The following TRIP10 variants were observed in gnomAD, a reference collection of about 807,000 sequenced individuals.
TRIP10 encodes the protein cdc42-interacting protein 4.
TRIP10 carries 54 observed loss-of-function variants against 80.9 expected under a neutral mutation model. The ratio of observed to expected loss-of-function variants is 0.67; its 90% confidence interval spans 0.54 to 0.84. TRIP10 has a LOEUF of 0.84. TRIP10 is among the 40% of genes least tolerant of loss of function. The pLI, the probability that TRIP10 is intolerant of heterozygous loss-of-function variation, is 0.00. For missense variants in TRIP10, 773 were observed against 815.3 expected, an observed-to-expected ratio of 0.95 and a Z score of 0.63; for synonymous variants, 321 against 307.2, an observed-to-expected ratio of 1.04 and a Z score of -0.47.
At chr19:6,743,959 C>G (rs1969014997) in intron 7 of TRIP10, 123 bp downstream of exon 7, 6 of 1,301,706 alleles carry the variant, frequency 4.6e-6, no homozygotes, top group Middle Eastern at 1.9e-4. Flanking sequence ...GAATCAGAAA[C>G]CTATAGTAAC....
rs899971933 is a variant in TRIP10 at position 6,745,870 on chromosome 19, GTTTT to G, written c.985-154_985-151del. On this transcript the variant is annotated intron_variant, in intron 9 of 14. Transcript: ENST00000313244. The surrounding 1 kb of genome is among the most constrained non-coding windows in gnomAD (Gnocchi z 7.2). The stretch of plus-strand genomic sequence containing the variant: ...CATCTTGAGTTGTGGTTTTCTTACC[GTTTT>G]TTTTCTTTCTCCATTTTGTTTTTCC... The G allele has an allele frequency of 1.0e-6, 1 of 984,698 alleles. No individual in the cohort carries two copies. Among genetic ancestry groups the G allele is most frequent in the Non-Finnish European group, 1.2e-6 (1 of 829,694 alleles). 61.0% of individuals were successfully genotyped at this position (984,698 alleles called of 1,614,324 possible).
In TRIP10 at chr19:6,739,874, G is replaced by A. The variant is rs1035060403; in HGVS notation, c.24+89G>A. ...CCCAATGTATCTTAGAGGGGGCTCC[G>A]CGCCTTTCCCTTCCACCGACCCCTG... On this transcript the variant is annotated intron_variant, in intron 1 of 14. Transcript: ENST00000313244. The A allele has an allele frequency of 1.2e-5, 16 of 1,320,846 alleles. No individual in the cohort carries two copies. In the African/African-American group the frequency reaches 2.3e-4, roughly 19 times the overall value. The allele number at this position is 1,320,846 out of a possible 1,614,324, so 81.8% of individuals were successfully genotyped here.
intron 14 of TRIP10, 152 bp downstream of exon 14, chr19:6,750,785 C>G (rs2145557040): frequency 7.9e-7 from 1 of 1,266,904 alleles, no homozygotes; most frequent in East Asian, 2.5e-5. Context: ...CACTTGAGGT[C>G]AAGAATTCCA....
rs1969066341 is a variant in TRIP10, at chr19:6,745,024, G to C, written c.984+30G>C. 6.2e-7 allele frequency: 1 copy of C among 1,604,982 alleles called. No individual in the cohort carries two copies. Among genetic ancestry groups the C allele is most frequent in the South Asian group, 1.1e-5 (1 of 90,004 alleles). ...GGGCCGGGACCCTTGGGATGGTGGG[G>C]GAGAAGGACAGTGAAGTGGGGACAG... On this transcript the variant is annotated intron_variant, in intron 9 of 14. Coordinates refer to ENST00000313244, the MANE Select transcript of TRIP10 (RefSeq NM_001288962.2). This position sits in a 1 kb window ranked among gnomAD's most constrained non-coding sequence, Gnocchi z 7.2.
Position 6,746,100 on chromosome 19 carries a change from C to A in TRIP10, c.1056C>A (p.Pro352=), listed in dbSNP as rs923896267. The change falls in exon 10 of 15, where the codon CCC becomes CCA. Residue 352 remains proline (P), a synonymous_variant. Coordinates refer to ENST00000313244, the MANE Select transcript of TRIP10 (RefSeq NM_001288962.2). This position sits in a 1 kb window ranked among gnomAD's most constrained non-coding sequence, Gnocchi z 6.2. ...CATTGCCTAACGGACCCCCGTCCCC[C>A]CGCTCCGGCCGTGACCCCTTGGCCA... ...PSALPNGPPS[P]RSGRDPLAIL... 2 of 1,545,234 alleles carry A rather than the reference C, an allele frequency of 1.3e-6. No homozygotes were observed. The highest frequency in any genetic ancestry group is 2.7e-5 in the African/African-American group (2 of 72,782).
chr19:6,741,160 C>G (rs1968906843), intron 2 of TRIP10, 35 bp downstream of exon 2: 3 of 1,613,752 alleles, frequency 1.9e-6, no homozygotes, highest in Non-Finnish European at 2.5e-6. Context: ...GGAGGACGCG[C>G]CTGGGGCGAC....
chr19:6,740,977 T>A, intron 1 of TRIP10, 33 bp from the exon 2 acceptor site: 20 of 1,502,366 alleles, frequency 1.3e-5, no homozygotes, highest in East Asian at 2.3e-5. Context: ...CCCCGGCCCC[T>A]CTCCCCTCCT....
chr19:6,749,714 G>A (rs1051470286), intron 11 of TRIP10, among the ~76,000 whole-genome samples: 1 of 152,090 alleles, frequency 6.6e-6, no homozygotes, highest in Non-Finnish European at 1.5e-5. Context: ...AGGCGAGTGT[G>A]GTGATGCGGG....
chr19:6,745,863 T>C lies in TRIP10; in HGVS notation c.985-166T>C, dbSNP rs944285979. ...GGTTGTGCATCTTGAGTTGTGGTTT[T>C]CTTACCGTTTTTTTTCTTTCTCCAT... On this transcript the variant is annotated intron_variant, in intron 9 of 14. Transcript: ENST00000313244. This position sits in a 1 kb window ranked among gnomAD's most constrained non-coding sequence, Gnocchi z 7.2. The C allele has an allele frequency of 1.0e-6, 1 of 985,282 alleles. No individual in the cohort carries two copies. Among genetic ancestry groups the C allele is most frequent in the Non-Finnish European group, 1.2e-6 (1 of 829,936 alleles). 61.0% of individuals were successfully genotyped at this position (985,282 alleles called of 1,614,324 possible).
At chr19:6,747,429 C>T (rs777065280) in intron 11 of TRIP10, among the ~76,000 whole-genome samples, 2 of 152,168 alleles carry the variant, frequency 1.3e-5, no homozygotes, top group African/African-American at 2.4e-5. Context: ...AATCCTGATT[C>T]CCAAATCTGT....
rs114376684 is a variant in TRIP10, at chr19:6,743,317, C to T, written c.408+61C>T. ...AGGCATGGGGGCAGGGTTGCGGATCCGGAGTCAGGGAGCTGCCCTCTTTGT... is the reference window on the plus strand; with the variant it reads ...AGGCATGGGGGCAGGGTTGCGGATCTGGAGTCAGGGAGCTGCCCTCTTTGT... On this transcript the variant is annotated intron_variant, in intron 5 of 14. Coordinates refer to ENST00000313244, the MANE Select transcript of TRIP10 (RefSeq NM_001288962.2). 4,469 of 1,598,268 alleles carry T rather than the reference C, an allele frequency of 2.8e-3. 102 individuals are homozygous for T. The African/African-American group carries it at 0.052, about 18-fold the overall frequency.
In TRIP10 at chr19:6,746,468, A is replaced by T; in HGVS notation, c.1169A>T (p.Asp390Val). The T allele has an allele frequency of 6.2e-7, 1 of 1,614,128 alleles. No homozygotes were observed. The highest frequency in any genetic ancestry group is 8.5e-7 in the Non-Finnish European group (1 of 1,180,014). Residue 390 changes from aspartate to valine, a missense_variant, in exon 11 of 15, where the codon GAT becomes GTT. Asp to Val is a radical substitution (Grantham distance 152). Coordinates refer to ENST00000313244, the MANE Select transcript of TRIP10 (RefSeq NM_001288962.2). This position sits in a 1 kb window ranked among gnomAD's most constrained non-coding sequence, Gnocchi z 6.2. ...ACCTTGCAGACAGTGGTGACCGAGG[A>T]TTTTAGCCACTTGCCCCCAGAGCAG... ...RGSRGTVVTE[D>V]FSHLPPEQQR...
rs970390032 is a variant in TRIP10, at chr19:6,743,744, G to C, written c.550G>C (p.Glu184Gln). ...QQAHLRSHMA[E>Q]ESKNEYAAQL... ...AGCCCACCTTCGGAGTCACATGGCC[G>C]AAGAAAGCAAAAACGAATATGCGGC... The change falls in exon 7 of 15, where the codon GAA becomes CAA. Residue 184 changes from glutamate to glutamine, a missense_variant. Coordinates refer to ENST00000313244, the MANE Select transcript of TRIP10 (RefSeq NM_001288962.2). The C allele has an allele frequency of 1.2e-6, 2 of 1,613,884 alleles. No homozygotes were observed. The highest frequency in any genetic ancestry group is 1.7e-6 in the Non-Finnish European group (2 of 1,179,998).
At chr19:6,749,057 CTTTA>C (rs1348842034) in intron 11 of TRIP10, among the ~76,000 whole-genome samples, 4 of 151,922 alleles carry the variant, frequency 2.6e-5, no homozygotes, top group Non-Finnish European at 5.9e-5. Context: ...TTATATTTAT[CTTTA>C]TTTATTTTTT....
chr19:6,741,946 T>G (rs1294616526), intron 3 of TRIP10, among the ~76,000 whole-genome samples: 1 of 152,044 alleles, frequency 6.6e-6, no homozygotes, highest in Non-Finnish European at 1.5e-5. Flanking sequence ...GCCTCCCTAG[T>G]AGCTGGGATT....
At chr19:6,742,927 G>T (rs1228246117) in intron 3 of TRIP10, 40 bp from the exon 4 acceptor site, 2 of 1,607,538 alleles carry the variant, frequency 1.2e-6, no homozygotes, top group East Asian at 2.2e-5. Context: ...TCGGGAGGAG[G>T]GGCCTGACTC....
chr19:6,744,709 C>T lies in TRIP10; in HGVS notation c.789+9C>T, dbSNP rs1969050219. On this transcript the variant is annotated intron_variant, in intron 8 of 14. Transcript: ENST00000313244. This position sits in a 1 kb window ranked among gnomAD's most constrained non-coding sequence, Gnocchi z 4.9. ...CTGTGGATCCCAAGAACGTGGGTGCCTGGTCTGGGTCCACTGGGCTACGGG... is the reference window on the plus strand; with the variant it reads ...CTGTGGATCCCAAGAACGTGGGTGCTTGGTCTGGGTCCACTGGGCTACGGG... 6.3e-7 allele frequency: 1 copy of T among 1,595,816 alleles called. No individual in the cohort carries two copies. Among genetic ancestry groups the T allele is most frequent in the Non-Finnish European group, 8.5e-7 (1 of 1,169,966 alleles).
chr19:6,740,932 T>C, intron 1 of TRIP10, 78 bp from the exon 2 acceptor site: 1 of 1,316,342 alleles, frequency 7.6e-7, no homozygotes, highest in Non-Finnish European at 1.1e-6. Context: ...TCCCTGGGAG[T>C]CTGGTCGGCG....
chr19:6,749,832 A>G (rs1969228751), intron 11 of TRIP10, 102 bp from the exon 12 acceptor site: 11 of 1,476,088 alleles, frequency 7.5e-6, no homozygotes, highest in Non-Finnish European at 1.0e-5. Flanking sequence ...GCCTGGGGAA[A>G]GAGTCAGAAT....
Sources: allele counts gnomAD v4.1 joint callset (sites outside exome capture counted in the v4.1 genomes callset), GRCh38; gene constraint gnomAD v4.1.1; non-coding constraint Gnocchi (gnomAD v3.1); transcripts MANE v1.5; gene names NCBI Gene and HGNC (gene_info 2026-07-23, HGNC 2026-07-21).